The following SLIT3 variants were observed in gnomAD, a reference collection of about 807,000 sequenced individuals.
SLIT3 encodes slit homolog 3 protein.
Under a neutral mutation model 184.0 loss-of-function variants are expected in SLIT3, and 68 were observed. The observed-to-expected ratio is 0.37, with a 90% CI of 0.30 to 0.45. SLIT3 has a LOEUF of 0.45. SLIT3 is among the 20% of genes least tolerant of loss of function. The probability of loss-of-function intolerance (pLI) is 1.00; values close to 1 mark genes in which losing one functional copy is unlikely to be tolerated. For missense variants in SLIT3, 1,707 were observed against 2,026.0 expected (o/e 0.84, Z 3.02); for synonymous variants, 831 against 828.6 (o/e 1.00, Z -0.05).
At chr5:169,259,652 T>A (rs1766097787) in intron 1 of SLIT3, among the ~76,000 whole-genome samples, 1 of 152,168 alleles carries the variant, frequency 6.6e-6, no homozygotes, top group African/African-American at 2.4e-5. Flanking sequence ...ATGCAGTTAT[T>A]CCTTATTACA....
intron 10 of SLIT3, among the ~76,000 whole-genome samples, chr5:168,793,368 T>G (rs1355278168): frequency 1.3e-5 from 2 of 152,030 alleles, no homozygotes; most frequent in African/African-American, 4.8e-5. Context: ...AAAATTAGGG[T>G]TTTGAAATCC....
chr5:169,230,403 G>T (rs970891012), intron 3 of SLIT3, among the ~76,000 whole-genome samples: 1 of 152,160 alleles, frequency 6.6e-6, no homozygotes, highest in African/African-American at 2.4e-5. Flanking sequence ...AACAGAAGCC[G>T]ATTCCTCTCT....
At chr5:169,000,392 C>CAAAAAAAAAAAAAAAA in intron 4 of SLIT3, among the ~76,000 whole-genome samples, 1 of 42,316 alleles carries the variant, frequency 2.4e-5, no homozygotes, top group Non-Finnish European at 4.2e-5. Flanking sequence ...AACTCCATCT[C>CAAAAAAAAAAAAAAAA]AAAAAAAAAA....
At chr5:169,147,882 G>A (rs753066644) in intron 4 of SLIT3, among the ~76,000 whole-genome samples, 2 of 152,198 alleles carry the variant, frequency 1.3e-5, no homozygotes, top group Non-Finnish European at 2.9e-5. Flanking sequence ...TGAAAACAGA[G>A]CTGTGTGCCT....
At chr5:169,200,584 C>T (rs1763879093) in intron 3 of SLIT3, among the ~76,000 whole-genome samples, 1 of 152,198 alleles carries the variant, frequency 6.6e-6, no homozygotes, top group African/African-American at 2.4e-5. Context: ...CAGAACCAAA[C>T]TTCACAGGCC....
chr5:169,295,291 T>C (rs1561791929), intron 1 of SLIT3, among the ~76,000 whole-genome samples: 1 of 152,244 alleles, frequency 6.6e-6, no homozygotes, highest in Non-Finnish European at 1.5e-5. Flanking sequence ...CTTTCCTGTA[T>C]ATTATTTTGT....
At chr5:169,014,547 T>A in intron 4 of SLIT3, among the ~76,000 whole-genome samples, 1 of 152,260 alleles carries the variant, frequency 6.6e-6, no homozygotes, top group East Asian at 1.9e-4. Context: ...ACACACACAC[T>A]TTCCTTCGCT....
intron 14 of SLIT3, among the ~76,000 whole-genome samples, chr5:168,771,226 G>A (rs1252360778): frequency 6.6e-6 from 1 of 152,142 alleles, no homozygotes; most frequent in African/African-American, 2.4e-5. Context: ...TAGGACGATT[G>A]TGCTTTGGGT....
chr5:169,180,273 G>A (rs920295238), intron 4 of SLIT3, among the ~76,000 whole-genome samples: 2 of 152,178 alleles, frequency 1.3e-5, no homozygotes, highest in Non-Finnish European at 2.9e-5. Context: ...GGCTCATGAT[G>A]CTTCAGTGCA....
At position 168,795,528 on chromosome 5, in the gene SLIT3, T is replaced by G; in HGVS notation, c.986A>C (p.Gln329Pro). 6.2e-7 allele frequency: 1 copy of G among 1,613,804 alleles called. No homozygotes were observed. The highest frequency in any genetic ancestry group is 8.5e-7 in the Non-Finnish European group (1 of 1,179,678). ...TCACATTCGCTTCAGTTTCTTGTAC[T>G]GGGTGAAGGCTCCTGCAGGGATGGC... Reference protein sequence around the residue: ...IKAIPAGAFTQYKKLKRIDIS... With the variant: ...IKAIPAGAFTPYKKLKRIDIS... Residue 329 changes from glutamine (Q) to proline (P), a missense_variant, in exon 10 of 36, where the codon CAG becomes CCG. Gln to Pro is a moderately conservative substitution (Grantham distance 76). Around this residue, in one of 3 missense-constraint regions of SLIT3, gnomAD observed 1,307 missense variants for 1,511.6 expected, o/e 0.86. Transcript: ENST00000519560.
intron 5 of SLIT3, among the ~76,000 whole-genome samples, chr5:168,851,920 A>G (rs1469726521): frequency 6.6e-6 from 1 of 152,200 alleles, no homozygotes; most frequent in Non-Finnish European, 1.5e-5. Flanking sequence ...CTTCTGTAAA[A>G]TGGGCTGTCT....
chr5:168,890,646 C>G (rs944332558), intron 4 of SLIT3, among the ~76,000 whole-genome samples: 1 of 152,088 alleles, frequency 6.6e-6, no homozygotes, highest in Non-Finnish European at 1.5e-5. Flanking sequence ...AAAATGATCT[C>G]TAAGTTTTGC....
intron 4 of SLIT3, among the ~76,000 whole-genome samples, chr5:168,976,579 T>C (rs1441641186): frequency 6.6e-6 from 1 of 152,236 alleles, no homozygotes; most frequent in African/African-American, 2.4e-5. Flanking sequence ...CAGATTTTCA[T>C]ATTTACTGTA....
intron 6 of SLIT3, among the ~76,000 whole-genome samples, chr5:168,843,320 T>G (rs966556268): frequency 6.6e-6 from 1 of 152,180 alleles, no homozygotes; most frequent in African/African-American, 2.4e-5. Flanking sequence ...CTTTCACTCA[T>G]TCTCTCACAT....
intron 35 of SLIT3, among the ~76,000 whole-genome samples, chr5:168,668,564 C>A (rs565402864): frequency 1.3e-5 from 2 of 152,326 alleles, no homozygotes; most frequent in African/African-American, 4.8e-5. Flanking sequence ...GCTTTAGAAT[C>A]TTAACTTTGG....
rs564920985 is a variant in SLIT3 at position 168,709,101 on chromosome 5, G to GTTT, written c.2720-1004_2720-1002dup. Among the ~76,000 whole-genome samples the GTTT allele has an allele frequency of 6.1e-3, 778 of 126,964 alleles. 8 individuals carry two copies. The highest frequency in any genetic ancestry group is 0.019 in the African/African-American group (725 of 37,654). The allele number at this position is 126,964 out of a possible 152,430, so 83.3% of individuals were successfully genotyped here. ...CCAGCTACAGTGTTGTTTTCTGTTTGTTTTTTTTTTTTTTTGAGATGGAGT... is the reference window on the plus strand; with the variant it reads ...CCAGCTACAGTGTTGTTTTCTGTTTGTTTTTTTTTTTTTTTTTTGAGATGGAGT... On this transcript the variant is annotated intron_variant, in intron 25 of 35. Transcript: ENST00000519560.
intron 4 of SLIT3, among the ~76,000 whole-genome samples, chr5:168,967,037 A>G (rs1490963634): frequency 6.6e-6 from 1 of 152,202 alleles, no homozygotes; most frequent in Non-Finnish European, 1.5e-5. Flanking sequence ...GATGGAAAAA[A>G]TTGAAAACCA....
intron 4 of SLIT3, among the ~76,000 whole-genome samples, chr5:168,980,118 C>A (rs1285754259): frequency 6.6e-6 from 1 of 152,104 alleles, no homozygotes; most frequent in Non-Finnish European, 1.5e-5. Context: ...AGACTCCAAT[C>A]CCAAACCCTT....
chr5:168,732,889 C>A (rs956804458), intron 20 of SLIT3, among the ~76,000 whole-genome samples: 3 of 152,098 alleles, frequency 2.0e-5, no homozygotes, highest in African/African-American at 7.2e-5. Context: ...AGGAAAAACT[C>A]TTTTGGACAT....
Sources: allele counts gnomAD v4.1 joint callset (sites outside exome capture counted in the v4.1 genomes callset), GRCh38; gene constraint gnomAD v4.1.1; regional missense constraint gnomAD v4.1.1; transcripts MANE v1.5; gene names NCBI Gene and HGNC (gene_info 2026-07-23, HGNC 2026-07-21).